CDK19: variants seen among roughly 807,000 people sequenced by gnomAD.
The protein encoded by CDK19 is cyclin dependent kinase 19, also known as cyclin-dependent kinase 19.
Under a neutral mutation model 68.3 loss-of-function variants are expected in CDK19, and 20 were observed. The ratio of observed to expected loss-of-function variants is 0.29; its 90% confidence interval spans 0.21 to 0.43. The LOEUF (loss-of-function observed/expected upper bound fraction) is 0.43, where lower values mean the gene tolerates loss of function less well. Ranked by LOEUF, CDK19 falls within the 20% of genes least tolerant of loss-of-function variation. The pLI is 1.00. For synonymous variants in CDK19, 221 were observed against 222.8 expected, an observed-to-expected ratio of 0.99 and a Z score of 0.07; for missense variants, 339 against 623.5, an observed-to-expected ratio of 0.54 and a Z score of 4.86.
At chr6:110,807,752 C>T (rs1181815133) in intron 1 of CDK19, among the ~76,000 whole-genome samples, 4 of 152,014 alleles carry the variant, frequency 2.6e-5, no homozygotes, top group African/African-American at 7.2e-5. Context: ...TAAGCCACCG[C>T]GCCCAGCCAC....
chr6:110,688,216 T>C (rs1204835075), intron 2 of CDK19, among the ~76,000 whole-genome samples: 1 of 151,856 alleles, frequency 6.6e-6, no homozygotes, highest in Non-Finnish European at 1.5e-5. Context: ...CGAAACCTCA[T>C]CTCTACTAAA....
At chr6:110,802,118 T>C (rs1782384892) in intron 1 of CDK19, among the ~76,000 whole-genome samples, 1 of 152,190 alleles carries the variant, frequency 6.6e-6, no homozygotes, top group African/African-American at 2.4e-5. Context: ...TGGAAAGCAG[T>C]TTGGAGATTC....
chr6:110,719,126 T>C (rs1238534793), intron 2 of CDK19, among the ~76,000 whole-genome samples: 2 of 152,124 alleles, frequency 1.3e-5, no homozygotes, highest in Non-Finnish European at 2.9e-5. Flanking sequence ...ATTCAATTAA[T>C]GTTACACAAG....
chr6:110,695,401 G>GA (rs1032789075), intron 2 of CDK19, among the ~76,000 whole-genome samples: 5 of 152,180 alleles, frequency 3.3e-5, no homozygotes, highest in South Asian at 2.1e-4. Flanking sequence ...AAAAATGTCT[G>GA]AAAAAATCAC....
At chr6:110,675,627 C>CAAAAAAAAAAAAAAAAAAA (rs57966061) in intron 2 of CDK19, among the ~76,000 whole-genome samples, 1 of 56,532 alleles carries the variant, frequency 1.8e-5, no homozygotes, top group Non-Finnish European at 3.4e-5. Context: ...GACTCCATCT[C>CAAAAAAAAAAAAAAAAAAA]AAAAAAAAAA....
intron 4 of CDK19, among the ~76,000 whole-genome samples, chr6:110,666,259 A>C (rs6925440): frequency 6.8e-6 from 1 of 146,462 alleles, no homozygotes; most frequent in Non-Finnish European, 1.5e-5. Flanking sequence ...ACTAAAAAAT[A>C]CAAAAAAAAA....
chr6:110,646,241 G>A (rs1780565199), intron 4 of CDK19: 2 of 1,490,270 alleles, frequency 1.3e-6, no homozygotes, highest in Admixed American at 2.1e-5. Context: ...TGCTGGCTCT[G>A]TGGCCGTTCC....
chr6:110,810,612 T>G (rs1364254305), intron 1 of CDK19, among the ~76,000 whole-genome samples: 1 of 151,954 alleles, frequency 6.6e-6, no homozygotes, highest in Admixed American at 6.6e-5. Context: ...CCATCTCTAT[T>G]AAAAATACAA....
At chr6:110,721,686 C>T (rs1057233191) in intron 2 of CDK19, among the ~76,000 whole-genome samples, 7 of 152,126 alleles carry the variant, frequency 4.6e-5, no homozygotes, top group African/African-American at 1.7e-4. Context: ...TAAGATCAGG[C>T]CGGGCATGGC....
intron 1 of CDK19, among the ~76,000 whole-genome samples, chr6:110,797,667 C>G (rs1304740622): frequency 2.0e-5 from 3 of 152,138 alleles, no homozygotes; most frequent in African/African-American, 7.2e-5. Context: ...AGAAAGGAAA[C>G]AGACTTTGTA....
intron 1 of CDK19, among the ~76,000 whole-genome samples, chr6:110,788,748 CTTT>C (rs371692053): frequency 6.6e-6 from 1 of 151,358 alleles, no homozygotes; most frequent in Non-Finnish European, 1.5e-5. Flanking sequence ...ATTTCTTTTT[CTTT>C]TTTTTTATGA....
In CDK19 at chr6:110,621,929, C is replaced by T. The variant is rs1778747641; in HGVS notation, c.1110+159G>A. On this transcript the variant is annotated intron_variant, in intron 11 of 12. Coordinates refer to ENST00000368911, the MANE Select transcript of CDK19 (RefSeq NM_015076.5). This position sits in a 1 kb window ranked among gnomAD's most constrained non-coding sequence, Gnocchi z 5.4. ...GGTCATACTTCAAACTTCAAGGTAC[C>T]TTTACAATCCCCAAACTTCCACAGA... is the stretch of plus-strand genomic sequence containing the variant. 6.6e-6 allele frequency among the ~76,000 whole-genome samples: 1 copy of T among 152,118 alleles called. No homozygotes were observed. Among genetic ancestry groups the T allele is most frequent in the African/African-American group, 2.4e-5 (1 of 41,416 alleles).
chr6:110,647,207 G>GAAGCATGCGA (rs777227984), intron 4 of CDK19, among the ~76,000 whole-genome samples: 4 of 152,142 alleles, frequency 2.6e-5, no homozygotes, highest in Non-Finnish European at 2.9e-5. Context: ...CAGTAACCTC[G>GAAGCATGCGA]AAGCATGCGA....
intron 3 of CDK19, 53 bp downstream of exon 3, chr6:110,670,378 A>G (rs1770894557): frequency 2.2e-6 from 2 of 917,986 alleles, no homozygotes; most frequent in South Asian, 1.4e-5. Context: ...TTATATAAAT[A>G]TGCTCCATAC....
intron 1 of CDK19, among the ~76,000 whole-genome samples, chr6:110,787,029 T>C (rs905476163): frequency 3.3e-5 from 5 of 152,176 alleles, no homozygotes; most frequent in Non-Finnish European, 7.3e-5. Context: ...TACTAATTAA[T>C]GTTCCTTGTG....
intron 1 of CDK19, among the ~76,000 whole-genome samples, chr6:110,811,399 G>A (rs1160457005): frequency 6.6e-6 from 1 of 152,088 alleles, no homozygotes; most frequent in African/African-American, 2.4e-5. Context: ...TGTCAGCCAT[G>A]CAAGGCACCA....
chr6:110,679,326 A>C (rs942691868), intron 2 of CDK19, among the ~76,000 whole-genome samples: 2 of 151,874 alleles, frequency 1.3e-5, no homozygotes, highest in African/African-American at 4.8e-5. Flanking sequence ...TAAAAAAAAA[A>C]AAAAGTCCAG....
intron 3 of CDK19, 131 bp downstream of exon 3, chr6:110,670,300 G>C (rs890164440): frequency 9.9e-6 from 5 of 503,716 alleles, no homozygotes; most frequent in African/African-American, 7.9e-5. Flanking sequence ...CAACATTTAT[G>C]TTTATATTGA....
chr6:110,757,555 G>C (rs986699414), intron 1 of CDK19, among the ~76,000 whole-genome samples: 1 of 152,116 alleles, frequency 6.6e-6, no homozygotes, highest in Non-Finnish European at 1.5e-5. Context: ...ATTATGATAT[G>C]GTTAATTTTA....
Sources: allele counts gnomAD v4.1 joint callset (sites outside exome capture counted in the v4.1 genomes callset), GRCh38; gene constraint gnomAD v4.1.1; non-coding constraint Gnocchi (gnomAD v3.1); transcripts MANE v1.5; gene names NCBI Gene and HGNC (gene_info 2026-07-23, HGNC 2026-07-21).